Variants in PTPRS observed in about 807,000 individuals in gnomAD.
The protein encoded by PTPRS is receptor-type tyrosine-protein phosphatase S.
Under a neutral mutation model 215.3 loss-of-function variants are expected in PTPRS, and 63 were observed. The observed-to-expected ratio is 0.29, with a 90% CI of 0.24 to 0.36. The LOEUF (loss-of-function observed/expected upper bound fraction) is 0.36, where lower values mean the gene tolerates loss of function less well. Among genes scored for constraint, PTPRS ranks in the 10% least tolerant of loss-of-function variants. The probability of loss-of-function intolerance (pLI) is 1.00; values close to 1 mark genes in which losing one functional copy is unlikely to be tolerated. For missense variants in PTPRS, 2,258 were observed against 2,825.8 expected, an observed-to-expected ratio of 0.80 and a Z score of 4.56; for synonymous variants, 1,404 against 1,191.4, an observed-to-expected ratio of 1.18 and a Z score of -3.68.
Position 5,247,820 on chromosome 19 carries a change from G to A in PTPRS, c.719-1775C>T, listed in dbSNP as rs560995489. On this transcript the variant is annotated intron_variant, in intron 9 of 37. Transcript: ENST00000262963. ...AACCCCTGCCTTCCTGAATCCGGGCGGGAGGCAAAGAGAAGGGGGGACGTC... is the reference window on the plus strand; with the variant it reads ...AACCCCTGCCTTCCTGAATCCGGGCAGGAGGCAAAGAGAAGGGGGGACGTC... 7.2e-5 allele frequency among the ~76,000 whole-genome samples: 11 copies of A among 152,072 alleles called. 1 individual carries two copies. In the East Asian group the frequency reaches 2.1e-3, roughly 29 times the overall value.
rs1470229338 is a variant in PTPRS, at chr19:5,254,428, T to C, written c.718+1680A>G. Among the ~76,000 whole-genome samples, 14 of 88,938 alleles carry C rather than the reference T, an allele frequency of 1.6e-4. 1 individual carries two copies. 58.3% of individuals were successfully genotyped at this position (88,938 alleles called of 152,430 possible). On this transcript the variant is annotated intron_variant, in intron 9 of 37. Coordinates refer to ENST00000262963, the MANE Select transcript of PTPRS (RefSeq NM_002850.4). ...ACACGGATATTTTATTGGGGGGTGTTTTTTATTGGGGGTTGGAGTAAGACT... is the reference window on the plus strand; with the variant it reads ...ACACGGATATTTTATTGGGGGGTGTCTTTTATTGGGGGTTGGAGTAAGACT...
Position 5,221,026 on chromosome 19 carries a change from A to G in PTPRS, c.3429T>C (p.Pro1143=). 1 of 1,612,484 alleles carries G rather than the reference A, an allele frequency of 6.2e-7. No homozygotes were observed. Among genetic ancestry groups the G allele is most frequent in the Non-Finnish European group, 8.5e-7 (1 of 1,179,106 alleles). ...GGACAGGCACGGGGCTCTGGCCGTC[A>G]GGAAGATACACCATGATGAAGCCGT... is the stretch of plus-strand genomic sequence containing the variant. ...DADGFIMVYL[P]DGQSPVPVQS... is the part of the protein sequence containing the mutation. Residue 1143 remains proline (P), a synonymous_variant, in exon 20 of 38, where the codon CCT becomes CCC. Transcript: ENST00000262963.
intron 4 of PTPRS, among the ~76,000 whole-genome samples, chr19:5,272,513 G>A (rs968052335): frequency 1.3e-4 from 19 of 146,588 alleles, no homozygotes; most frequent in Non-Finnish European, 2.7e-4. Context: ...CAGGAGAATC[G>A]CTTGAACCTG....
At position 5,210,405 on chromosome 19, in the gene PTPRS, C is replaced by T. The variant is rs2144991874; in HGVS notation, c.5487+64G>A. 2 of 1,607,088 alleles carry T rather than the reference C, an allele frequency of 1.2e-6. No homozygotes were observed. Among genetic ancestry groups the T allele is most frequent in the South Asian group, 2.2e-5 (2 of 89,998 alleles). On this transcript the variant is annotated intron_variant, in intron 35 of 37. Coordinates refer to ENST00000262963, the MANE Select transcript of PTPRS (RefSeq NM_002850.4). The surrounding 1 kb of genome is among the most constrained non-coding windows in gnomAD (Gnocchi z 4.5). ...CTTGGCCTTTGTATCCATCACCAACCAGGGCAGCCCTTTCCAGATCACTAA... is the reference window on the plus strand; with the variant it reads ...CTTGGCCTTTGTATCCATCACCAACTAGGGCAGCCCTTTCCAGATCACTAA...
At chr19:5,284,793 A>G (rs2048200056) in intron 2 of PTPRS, among the ~76,000 whole-genome samples, 1 of 151,814 alleles carries the variant, frequency 6.6e-6, no homozygotes, top group South Asian at 2.1e-4. Flanking sequence ...CAAAAAATTA[A>G]AAAAATTAGC....
intron 9 of PTPRS, among the ~76,000 whole-genome samples, chr19:5,254,462 C>T (rs1280224078): frequency 2.0e-5 from 3 of 148,036 alleles, no homozygotes; most frequent in South Asian, 2.2e-4. Flanking sequence ...CTCTCAAGGG[C>T]GTGCCTTTTC....
intron 1 of PTPRS, among the ~76,000 whole-genome samples, chr19:5,309,034 C>T (rs1331255830): frequency 6.6e-6 from 1 of 152,262 alleles, no homozygotes. Context: ...CTGCCTGGCA[C>T]TAGGCCCTGG....
intron 18 of PTPRS, 53 bp downstream of exon 18, chr19:5,222,636 G>A (rs1346699979): frequency 6.9e-7 from 1 of 1,450,794 alleles, no homozygotes; most frequent in Non-Finnish European, 9.0e-7. Context: ...GCTGGGGTGG[G>A]GGTGGGCGCA....
At chr19:5,262,875 G>T in intron 6 of PTPRS, 89 bp downstream of exon 6, 2 of 1,351,018 alleles carry the variant, frequency 1.5e-6, no homozygotes, top group Non-Finnish European at 2.1e-6. Flanking sequence ...CATCACGGTG[G>T]CTGTTAGTTT....
intron 1 of PTPRS, among the ~76,000 whole-genome samples, chr19:5,316,975 G>A (rs990187835): frequency 2.0e-5 from 3 of 152,180 alleles, no homozygotes; most frequent in Non-Finnish European, 4.4e-5. Context: ...ACGCTGAGAC[G>A]TCTGTTCTGA....
chr19:5,243,388 C>A (rs1599645967), intron 11 of PTPRS, among the ~76,000 whole-genome samples: 2 of 151,918 alleles, frequency 1.3e-5, no homozygotes, highest in African/African-American at 4.8e-5. Context: ...CACTCGCCTC[C>A]GACTCCCAAA....
In PTPRS at chr19:5,238,940, G is replaced by A. The variant is rs1237159914; in HGVS notation, c.1828C>T (p.Arg610Trp). 3.1e-6 allele frequency: 5 copies of A among 1,608,980 alleles called. No homozygotes were observed. Among genetic ancestry groups the A allele is most frequent in the Non-Finnish European group, 4.2e-6 (5 of 1,177,926 alleles). Residue 610 changes from arginine to tryptophan, a missense_variant, in exon 13 of 38, where the codon CGG becomes TGG. By Grantham distance (101) the Arg-to-Trp change is moderately radical. Coordinates refer to ENST00000262963, the MANE Select transcript of PTPRS (RefSeq NM_002850.4). ...QGLGAFTPVV[R>W]QRTLQSKPSA... ...CTACTGGACTGCAGCGTGCGCTGCCGCACCACGGGGGTGAAGGCGCCCAGG... is the reference window on the plus strand; with the variant it reads ...CTACTGGACTGCAGCGTGCGCTGCCACACCACGGGGGTGAAGGCGCCCAGG...
intron 1 of PTPRS, among the ~76,000 whole-genome samples, chr19:5,322,644 C>G (rs1383410307): frequency 6.6e-6 from 1 of 152,126 alleles, no homozygotes; most frequent in Non-Finnish European, 1.5e-5. Context: ...CTTTAGGAGG[C>G]TGAGGCGGGC....
chr19:5,317,481 A>T (rs1229817058), intron 1 of PTPRS, among the ~76,000 whole-genome samples: 1 of 152,198 alleles, frequency 6.6e-6, no homozygotes, highest in African/African-American at 2.4e-5. Context: ...AAAACAAAAA[A>T]CACAAAACAT....
At chr19:5,271,162 C>G (rs1056408495) in intron 4 of PTPRS, among the ~76,000 whole-genome samples, 1 of 152,182 alleles carries the variant, frequency 6.6e-6, no homozygotes, top group South Asian at 2.1e-4. Context: ...GGCAGTGGCT[C>G]ATATACATGA....
chr19:5,263,309 A>G (rs2046153904), intron 5 of PTPRS, among the ~76,000 whole-genome samples: 1 of 152,110 alleles, frequency 6.6e-6, no homozygotes, highest in South Asian at 2.1e-4. Flanking sequence ...TTGTCCCCCC[A>G]GTGTGAGGTC....
In PTPRS at chr19:5,334,598, GGCA is replaced by G. The variant is rs1205701837; in HGVS notation, c.-95+6063_-95+6065del. 4.6e-5 allele frequency among the ~76,000 whole-genome samples: 7 copies of G among 152,320 alleles called. No individual in the cohort carries two copies. The East Asian group carries it at 1.3e-3, about 29-fold the overall frequency. On this transcript the variant is annotated intron_variant, in intron 1 of 37. Coordinates refer to ENST00000262963, the MANE Select transcript of PTPRS (RefSeq NM_002850.4). ...TCCTTGCTCTTAACCTCTGAGAAAA[GGCA>G]GTCAAGAGCCCTGGGGTGTGTGTGT...
At chr19:5,240,537 C>T (rs1460199927) in intron 11 of PTPRS, among the ~76,000 whole-genome samples, 4 of 152,148 alleles carry the variant, frequency 2.6e-5, no homozygotes, top group Non-Finnish European at 1.5e-5. Flanking sequence ...GGAAAAGAAC[C>T]CATTTAAAAA....
At chr19:5,211,446 T>G (rs1417848104) in intron 33 of PTPRS, 144 bp downstream of exon 33, 1 of 785,198 alleles carries the variant, frequency 1.3e-6, no homozygotes, top group Non-Finnish European at 1.9e-6. Context: ...AGCCATCAGT[T>G]AAATATACAT....
Sources: gnomAD v4.1 joint callset for allele counts (sites outside exome capture counted in the v4.1 genomes callset) on GRCh38, gnomAD v4.1.1 for gene constraint, Gnocchi (gnomAD v3.1) non-coding constraint, MANE v1.5 for transcripts, NCBI Gene and HGNC (gene_info 2026-07-23, HGNC 2026-07-21) for gene names.